The following CCSER2 variants were observed in gnomAD, a reference collection of about 807,000 sequenced individuals.
CCSER2 encodes coiled-coil serine rich protein 2.
In CCSER2, 46 loss-of-function variants were observed where a neutral mutation model predicts 92.3. The ratio of observed to expected loss-of-function variants is 0.50; its 90% CI spans 0.39 to 0.64. The LOEUF is 0.64. CCSER2 is among the 30% of genes least tolerant of loss of function. The pLI is 0.00. For missense variants in CCSER2, 1,244 were observed against 1,238.9 expected (o/e 1.00, Z -0.06); for synonymous variants, 433 against 431.4 (o/e 1.00, Z -0.04).
At chr10:84,335,642 T>G (rs1843797063) in intron 1 of CCSER2, among the ~76,000 whole-genome samples, 1 of 152,136 alleles carries the variant, frequency 6.6e-6, no homozygotes, top group African/African-American at 2.4e-5. Context: ...TTGCAAAACC[T>G]TTGATGACGA....
chr10:84,339,156 C>T (rs1364893656), intron 1 of CCSER2, among the ~76,000 whole-genome samples: 15 of 148,294 alleles, frequency 1.0e-4, no homozygotes, highest in South Asian at 4.2e-4. Flanking sequence ...CTACCTTTTG[C>T]CTGCACATGC....
At chr10:84,362,440 A>C (rs913690866) in intron 1 of CCSER2, among the ~76,000 whole-genome samples, 1 of 152,034 alleles carries the variant, frequency 6.6e-6, no homozygotes, top group African/African-American at 2.4e-5. Flanking sequence ...TCCTGTACCA[A>C]CTGGTAAAAT....
intron 5 of CCSER2, among the ~76,000 whole-genome samples, chr10:84,436,325 CAAAAAAAAAAAAAAAA>C (rs1160681619): frequency 7.0e-5 from 1 of 14,328 alleles, no homozygotes; most frequent in East Asian, 2.9e-3. Flanking sequence ...GACTCCGTCT[CAAAAAAAAAAAAAAAA>C]AAAAAAAAAA....
intron 9 of CCSER2, among the ~76,000 whole-genome samples, chr10:84,483,195 C>A (rs1179283607): frequency 6.6e-6 from 1 of 152,012 alleles, no homozygotes; most frequent in Non-Finnish European, 1.5e-5. Flanking sequence ...GAGTTTGAGA[C>A]CAGCCTGACC....
At chr10:84,348,046 G>A (rs1351214767) in intron 1 of CCSER2, among the ~76,000 whole-genome samples, 1 of 152,222 alleles carries the variant, frequency 6.6e-6, no homozygotes, top group Non-Finnish European at 1.5e-5. Context: ...CTTCCCAGAT[G>A]GGGTGGCGGC....
At chr10:84,341,343 CTTTT>C (rs35558044) in intron 1 of CCSER2, among the ~76,000 whole-genome samples, 1 of 94,300 alleles carries the variant, frequency 1.1e-5, no homozygotes, top group African/African-American at 5.2e-5. Context: ...CTTTGTAACT[CTTTT>C]TTTTTTTTTT....
intron 6 of CCSER2, among the ~76,000 whole-genome samples, chr10:84,439,191 T>C (rs1410229833): frequency 1.8e-5 from 1 of 56,634 alleles, no homozygotes; most frequent in Non-Finnish European, 3.7e-5. Context: ...GTTTTTTTTT[T>C]TCTTTTCTTT....
chr10:84,376,733 A>G (rs984396392), intron 3 of CCSER2, among the ~76,000 whole-genome samples: 2 of 152,102 alleles, frequency 1.3e-5, no homozygotes, highest in East Asian at 3.9e-4. Context: ...CCTGGGTTAT[A>G]GGCTATGCTG....
chr10:84,445,093 G>A (rs1844827668), intron 6 of CCSER2, among the ~76,000 whole-genome samples: 1 of 152,082 alleles, frequency 6.6e-6, no homozygotes, highest in South Asian at 2.1e-4. Flanking sequence ...TAAGAATTTT[G>A]ACCCTGACAT....
At chr10:84,345,337 A>G (rs979470933) in intron 1 of CCSER2, among the ~76,000 whole-genome samples, 11 of 152,336 alleles carry the variant, frequency 7.2e-5, no homozygotes, top group African/African-American at 2.4e-4. Context: ...CTAGCTGAGT[A>G]AGAAACATTG....
At chr10:84,397,559 T>A (rs962932468) in intron 3 of CCSER2, among the ~76,000 whole-genome samples, 3 of 152,234 alleles carry the variant, frequency 2.0e-5, no homozygotes, top group Non-Finnish European at 4.4e-5. Context: ...CTAATGCACT[T>A]GGCATTTTGA....
At chr10:84,506,024 G>A (rs1338164898) in intron 9 of CCSER2, among the ~76,000 whole-genome samples, 1 of 151,728 alleles carries the variant, frequency 6.6e-6, no homozygotes, top group Non-Finnish European at 1.5e-5. Context: ...CATCTGAGAG[G>A]TAGATGTTAA....
At chr10:84,482,940 TTATA>T (rs1228076379) in intron 9 of CCSER2, among the ~76,000 whole-genome samples, 1 of 152,210 alleles carries the variant, frequency 6.6e-6, no homozygotes. Context: ...ACTAACTCTG[TTATA>T]TATAGCAAAG....
intron 1 of CCSER2, among the ~76,000 whole-genome samples, chr10:84,342,015 T>G (rs933533132): frequency 2.6e-5 from 4 of 152,194 alleles, no homozygotes; most frequent in Non-Finnish European, 5.9e-5. Flanking sequence ...ATAGGTATGA[T>G]TGATTACATC....
At chr10:84,460,799 C>G (rs1252025950) in intron 6 of CCSER2, among the ~76,000 whole-genome samples, 3 of 152,074 alleles carry the variant, frequency 2.0e-5, no homozygotes, top group Non-Finnish European at 4.4e-5. Context: ...TTACTCTTAG[C>G]ATTTGAGATG....
rs987361727 is a variant in CCSER2, at chr10:84,516,351, G to A, written c.*2084G>A. ...TTCAGAACGTTCTTCACATAGTCCAGATACTGTTAGAGTCAGGCAAATCAG... is the reference window on the plus strand; with the variant it reads ...TTCAGAACGTTCTTCACATAGTCCAAATACTGTTAGAGTCAGGCAAATCAG... On this transcript the variant is annotated 3_prime_UTR_variant, in exon 10 of 10. Transcript: ENST00000372088. 1.3e-5 allele frequency: 2 copies of A among 152,200 alleles called. No homozygotes were observed. Among genetic ancestry groups the A allele is most frequent in the African/African-American group, 2.4e-5 (1 of 41,450 alleles). The allele number at this position is 152,200 out of a possible 1,614,324, so 9.4% of individuals were successfully genotyped here.
rs1374566384 is a variant in CCSER2, at chr10:84,441,734, ATGTTTTTTTTT to A, written c.2064+3029_2064+3039del. ...GGGAATAAAGTAGAAGACTGGGAAA[ATGTTTTTTTTT>A]TTTTTTTTTTTTTTTTTTTTTTTTT... On this transcript the variant is annotated intron_variant, in intron 6 of 9. Coordinates refer to ENST00000372088, the MANE Select transcript of CCSER2 (RefSeq NM_001284240.2). Among the ~76,000 whole-genome samples the A allele has an allele frequency of 8.8e-4, 94 of 106,418 alleles. 4 individuals carry two copies. Among genetic ancestry groups the A allele is most frequent in the Non-Finnish European group, 1.3e-3 (73 of 54,090 alleles). 69.8% of individuals were successfully genotyped at this position (106,418 alleles called of 152,430 possible). A position where few individuals can be genotyped will look rare whatever the true frequency, so the allele number is the denominator to read the frequency against.
intron 3 of CCSER2, among the ~76,000 whole-genome samples, chr10:84,397,744 A>G (rs1841918574): frequency 6.6e-6 from 1 of 152,244 alleles, no homozygotes; most frequent in African/African-American, 2.4e-5. Context: ...TCTACAACAT[A>G]TTACATTACT....
intron 4 of CCSER2, among the ~76,000 whole-genome samples, chr10:84,421,779 A>G (rs1162346334): frequency 6.6e-6 from 1 of 152,206 alleles, no homozygotes; most frequent in Admixed American, 6.5e-5. Context: ...AAAATGGTAC[A>G]TGACACGGGA....
Sources: allele counts gnomAD v4.1 joint callset (sites outside exome capture counted in the v4.1 genomes callset), GRCh38; gene constraint gnomAD v4.1.1; transcripts MANE v1.5; gene names NCBI Gene and HGNC (gene_info 2026-07-23, HGNC 2026-07-21).